ARHGEF9: variants seen among roughly 807,000 people sequenced by gnomAD.
The protein encoded by ARHGEF9 is rho guanine nucleotide exchange factor 9.
ARHGEF9 carries 2 observed loss-of-function variants against 41.3 expected under a neutral mutation model. The ratio of observed to expected loss-of-function variants is 0.05; its 90% CI spans 0.02 to 0.15. The LOEUF (loss-of-function observed/expected upper bound fraction) is 0.15, where lower values mean the gene tolerates loss of function less well. Ranked by LOEUF, ARHGEF9 falls within the 10% of genes least tolerant of loss-of-function variation. The pLI is 1.00. For synonymous variants in ARHGEF9, 160 were observed against 154.4 expected, an observed-to-expected ratio of 1.04 and a Z score of -0.27; for missense variants, 225 against 424.7, an observed-to-expected ratio of 0.53 and a Z score of 4.13.
At chrX:63,767,924 C>G (rs1408879257) in intron 1 of ARHGEF9, among the ~76,000 whole-genome samples, 1 of 111,857 alleles carries the variant, frequency 8.9e-6, no homozygotes, top group Non-Finnish European at 1.9e-5. Context: ...TTAGTTTCCC[C>G]ACCTTTAAAG....
intron 6 of ARHGEF9, among the ~76,000 whole-genome samples, chrX:63,666,487 C>T (rs1275314242): frequency 4.8e-5 from 5 of 104,517 alleles, no homozygotes; most frequent in African/African-American, 1.8e-4. Flanking sequence ...CACACACACA[C>T]ATATATATAT....
chrX:63,758,284 G>A (rs782727612), intron 1 of ARHGEF9, among the ~76,000 whole-genome samples: 10 of 110,984 alleles, frequency 9.0e-5, no homozygotes, highest in South Asian at 3.9e-4. Flanking sequence ...TTGTCAGAGA[G>A]AGCAGCTACC....
intron 1 of ARHGEF9, among the ~76,000 whole-genome samples, chrX:63,749,300 C>T (rs782539951): frequency 9.0e-6 from 1 of 111,451 alleles, no homozygotes; most frequent in Non-Finnish European, 1.9e-5. Flanking sequence ...GGCATGATCT[C>T]GGCTCACTGC....
chrX:63,779,589 G>A (rs1226564251), intron 1 of ARHGEF9, among the ~76,000 whole-genome samples: 1 of 111,719 alleles, frequency 9.0e-6, no homozygotes, highest in East Asian at 2.8e-4. Context: ...GACTGGGGTG[G>A]GGACACAGCA....
chrX:63,697,105 C>A lies in ARHGEF9; in HGVS notation c.582+20G>T. 8.3e-7 allele frequency: 1 copy of A among 1,205,220 alleles called. No homozygotes were observed. Among genetic ancestry groups the A allele is most frequent in the Non-Finnish European group, 1.1e-6 (1 of 892,058 alleles). ...TCCTAACACCTCTCAAAACCCTCCCCAAATGGATAAGATACTTACGTGCTC... is the reference window on the plus strand; with the variant it reads ...TCCTAACACCTCTCAAAACCCTCCCAAAATGGATAAGATACTTACGTGCTC... On this transcript the variant is annotated intron_variant, in intron 4 of 9. Coordinates refer to ENST00000671741, the MANE Select transcript of ARHGEF9 (RefSeq NM_001353921.2).
At chrX:63,688,859 A>G (rs2051148010) in intron 4 of ARHGEF9, among the ~76,000 whole-genome samples, 1 of 112,625 alleles carries the variant, frequency 8.9e-6, no homozygotes, top group South Asian at 3.6e-4. Context: ...AAAATGGGGA[A>G]GTAATGGACT....
chrX:63,648,790 G>A (rs1473600574), intron 8 of ARHGEF9, among the ~76,000 whole-genome samples: 1 of 110,969 alleles, frequency 9.0e-6, no homozygotes, highest in Non-Finnish European at 1.9e-5. Flanking sequence ...AAAAAGGCAG[G>A]GGTTGCAATC....
intron 7 of ARHGEF9, 106 bp from the exon 8 acceptor site, chrX:63,655,843 C>T (rs1445495992): frequency 9.6e-7 from 1 of 1,039,367 alleles, no homozygotes; most frequent in African/African-American, 1.9e-5. Context: ...TTTTGAAGTA[C>T]CAATGGGGGT....
At chrX:63,751,007 T>G (rs150676836) in intron 1 of ARHGEF9, among the ~76,000 whole-genome samples, 3,624 of 110,899 alleles carry the variant, frequency 0.033, 68 homozygotes, top group Non-Finnish European at 0.053. Flanking sequence ...TGGAGCTCAG[T>G]GGGTGCTCAG....
intron 7 of ARHGEF9, among the ~76,000 whole-genome samples, chrX:63,664,509 T>C (rs1556345612): frequency 8.9e-6 from 1 of 112,387 alleles, no homozygotes; most frequent in Non-Finnish European, 1.9e-5. Flanking sequence ...AACAGGCACA[T>C]TAGTGTTGGT....
At chrX:63,714,998 C>G (rs1479929817) in intron 2 of ARHGEF9, among the ~76,000 whole-genome samples, 1 of 111,852 alleles carries the variant, frequency 8.9e-6, no homozygotes, top group Non-Finnish European at 1.9e-5. Flanking sequence ...CTGCCCATGA[C>G]AAGGCTTCTT....
At position 63,638,013 on chromosome X, in the gene ARHGEF9, G is replaced by C; in HGVS notation, c.*15C>G. 1.7e-6 allele frequency: 2 copies of C among 1,190,684 alleles called. No homozygotes were observed. The highest frequency in any genetic ancestry group is 2.3e-6 in the Non-Finnish European group (2 of 884,932). Reference sequence around the variant, plus strand: ...TATTTACTTTATTTTAAAATTATCTGCCTCCCTGTAGGTATCATTTTTTGA... The same window carrying C: ...TATTTACTTTATTTTAAAATTATCTCCCTCCCTGTAGGTATCATTTTTTGA... On this transcript the variant is annotated 3_prime_UTR_variant, in exon 10 of 10. Coordinates refer to ENST00000671741, the MANE Select transcript of ARHGEF9 (RefSeq NM_001353921.2).
At chrX:63,647,580 C>T (rs782572432) in intron 8 of ARHGEF9, among the ~76,000 whole-genome samples, 1 of 111,520 alleles carries the variant, frequency 9.0e-6, no homozygotes, top group East Asian at 2.8e-4. Flanking sequence ...AGGGATGAAG[C>T]CCACTTGATC....
At position 63,765,799 on chromosome X, in the gene ARHGEF9, G is replaced by A. The variant is rs150625821; in HGVS notation, c.30+19317C>T. 1.1e-3 allele frequency among the ~76,000 whole-genome samples: 123 copies of A among 111,880 alleles called. 1 individual carries two copies. The East Asian group carries it at 0.024, about 22-fold the overall frequency. On this transcript the variant is annotated intron_variant, in intron 1 of 9. Coordinates refer to ENST00000671741, the MANE Select transcript of ARHGEF9 (RefSeq NM_001353921.2). ...TAGAACCTGAGTTTCCCATCCTCCCGGCCAGAATTCTTGAAGCTTTACTAT... is the reference window on the plus strand; with the variant it reads ...TAGAACCTGAGTTTCCCATCCTCCCAGCCAGAATTCTTGAAGCTTTACTAT...
At chrX:63,781,673 G>A (rs1328646731) in intron 1 of ARHGEF9, among the ~76,000 whole-genome samples, 6 of 111,720 alleles carry the variant, frequency 5.4e-5, no homozygotes, top group East Asian at 2.8e-4. Context: ...CACAGTTCTC[G>A]TCCTTGTCCC....
intron 1 of ARHGEF9, among the ~76,000 whole-genome samples, chrX:63,734,752 G>A (rs1434652772): frequency 2.7e-5 from 3 of 111,304 alleles, no homozygotes; most frequent in Admixed American, 9.6e-5. Context: ...CCTCATTCCC[G>A]TCCCAACCTT....
At chrX:63,779,482 A>C (rs1556460808) in intron 1 of ARHGEF9, among the ~76,000 whole-genome samples, 1 of 111,401 alleles carries the variant, frequency 9.0e-6, no homozygotes, top group African/African-American at 3.3e-5. Flanking sequence ...TACTATCATG[A>C]GAACAACATG....
In ARHGEF9 at chrX:63,710,802, T is replaced by G. The variant is rs1258269637; in HGVS notation, c.211-4353A>C. Among the ~76,000 whole-genome samples the G allele has an allele frequency of 2.7e-5, 3 of 111,249 alleles. No individual in the cohort carries two copies. In the Admixed American group the frequency reaches 2.9e-4, roughly 11 times the overall value. ...ACAAGGATATTCACTTTCATCACTTTTATTCAACCTTATACTGAAGGTTCT... is the reference window on the plus strand; with the variant it reads ...ACAAGGATATTCACTTTCATCACTTGTATTCAACCTTATACTGAAGGTTCT... On this transcript the variant is annotated intron_variant, in intron 2 of 9. Transcript: ENST00000671741.
intron 1 of ARHGEF9, among the ~76,000 whole-genome samples, chrX:63,730,613 C>G (rs1298123079): frequency 9.0e-6 from 1 of 111,664 alleles, no homozygotes. Context: ...CAAATAGATC[C>G]CCAGGTGATA....
Sources: gnomAD v4.1 joint callset for allele counts (sites outside exome capture counted in the v4.1 genomes callset) on GRCh38, gnomAD v4.1.1 for gene constraint, MANE v1.5 for transcripts, NCBI Gene and HGNC (gene_info 2026-07-23, HGNC 2026-07-21) for gene names.